Variants in PARP12 observed in about 807,000 individuals in gnomAD.
The protein encoded by PARP12 is protein mono-ADP-ribosyltransferase PARP12.
In PARP12, 59 loss-of-function variants were observed where a neutral mutation model predicts 72.4. That is an observed-to-expected ratio of 0.81 (90% CI 0.66 to 1.01). The LOEUF (loss-of-function observed/expected upper bound fraction) is 1.01, where lower values mean the gene tolerates loss of function less well. Ranked by LOEUF, PARP12 falls within the 50% of genes least tolerant of loss-of-function variation. The probability of loss-of-function intolerance (pLI) is 0.00; values close to 1 mark genes in which losing one functional copy is unlikely to be tolerated. For missense variants in PARP12, 851 were observed against 914.0 expected, an observed-to-expected ratio of 0.93 and a Z score of 0.89; for synonymous variants, 403 against 371.4, an observed-to-expected ratio of 1.09 and a Z score of -0.98.
intron 8 of PARP12, among the ~76,000 whole-genome samples, chr7:140,030,648 C>T (rs1815906835): frequency 6.7e-6 from 1 of 150,040 alleles, no homozygotes; most frequent in African/African-American, 2.5e-5. Flanking sequence ...CATATTCAGA[C>T]AAACCAAAAA....
intron 5 of PARP12, among the ~76,000 whole-genome samples, chr7:140,044,125 C>T (rs376867767): frequency 1.3e-5 from 2 of 152,218 alleles, no homozygotes; most frequent in East Asian, 3.9e-4. Context: ...AATCCACACA[C>T]AGATTTTAGT....
chr7:140,047,062 G>A, intron 4 of PARP12, 55 bp from the exon 5 acceptor site: 1 of 1,543,778 alleles, frequency 6.5e-7, no homozygotes, highest in Non-Finnish European at 8.7e-7. Context: ...GCATGCCCTA[G>A]CCTTGTGGTT....
In PARP12 at chr7:140,058,034, C is replaced by T. The variant is rs773775768; in HGVS notation, c.327G>A (p.Gly109=). ...AGCTGTGACTATTCCTACAGTTCTTCCTGCAAAGAAGCAGAGCTGGTGTTA... is the reference window on the plus strand; with the variant it reads ...AGCTGTGACTATTCCTACAGTTCTTTCTGCAAAGAAGCAGAGCTGGTGTTA... ...VYGACKFLRA[G]KNCRNSHSLT... Residue 109 remains glycine, a splice_region_variant and synonymous_variant, in exon 2 of 12, where the codon GGG becomes GGA. Transcript: ENST00000263549. 2.5e-6 allele frequency: 4 copies of T among 1,614,200 alleles called. No homozygotes were observed. In the Admixed American group the frequency reaches 6.7e-5, roughly 27 times the overall value.
At chr7:140,040,305 C>A (rs1221823010) in intron 6 of PARP12, among the ~76,000 whole-genome samples, 1 of 152,160 alleles carries the variant, frequency 6.6e-6, no homozygotes, top group African/African-American at 2.4e-5. Flanking sequence ...CAGGGCAGGT[C>A]AGAGAGAGTC....
chr7:140,037,965 T>C (rs1816285157), intron 6 of PARP12, 109 bp from the exon 7 acceptor site: 1 of 1,489,170 alleles, frequency 6.7e-7, no homozygotes, highest in Non-Finnish European at 8.9e-7. Flanking sequence ...GACAGTCCTG[T>C]GGTGGGGAAG....
intron 7 of PARP12, 40 bp from the exon 8 acceptor site, chr7:140,034,371 A>G (rs1816070474): frequency 1.4e-6 from 2 of 1,478,764 alleles, no homozygotes; most frequent in Non-Finnish European, 1.9e-6. Flanking sequence ...ATACATATAC[A>G]TATACATACA....
chr7:140,055,059 G>C (rs1282308191), intron 3 of PARP12, among the ~76,000 whole-genome samples: 1 of 152,174 alleles, frequency 6.6e-6, no homozygotes, highest in Non-Finnish European at 1.5e-5. Flanking sequence ...ACAAGTGCCT[G>C]ATTCTGCCCT....
At chr7:140,052,088 T>A (rs1816987171) in intron 4 of PARP12, among the ~76,000 whole-genome samples, 1 of 152,226 alleles carries the variant, frequency 6.6e-6, no homozygotes, top group African/African-American at 2.4e-5. Flanking sequence ...CCATGTTCCA[T>A]CTCCTGTTAC....
rs1817512932 is a variant in PARP12 at position 140,062,643 on chromosome 7, C to G, written c.205G>C (p.Ala69Pro). ...AAAPERVVLA[A>P]SPLRLCRAHQ... ...GCGCGACACAGGCGCAGCGGCGAGGCGGCCAGCACCACGCGCTCCGGGGCC... is the reference window on the plus strand; with the variant it reads ...GCGCGACACAGGCGCAGCGGCGAGGGGGCCAGCACCACGCGCTCCGGGGCC... Residue 69 changes from alanine to proline, a missense_variant, in exon 1 of 12, where the codon GCC (alanine) becomes CCC (proline). Coordinates refer to ENST00000263549, the MANE Select transcript of PARP12 (RefSeq NM_022750.4). 2.1e-6 allele frequency: 3 copies of G among 1,413,720 alleles called. No individual in the cohort carries two copies. The highest frequency in any genetic ancestry group is 2.8e-6 in the Non-Finnish European group (3 of 1,083,072). 87.6% of individuals were successfully genotyped at this position (1,413,720 alleles called of 1,614,324 possible).
intron 11 of PARP12, 88 bp from the exon 12 acceptor site, chr7:140,024,973 A>C (rs1303526180): frequency 9.8e-6 from 12 of 1,226,856 alleles, no homozygotes; most frequent in Non-Finnish European, 1.4e-5. Flanking sequence ...GGTGATGTGC[A>C]ACGCCAGGGC....
chr7:140,047,123 G>A (rs145942607), intron 4 of PARP12, 116 bp from the exon 5 acceptor site: 15,267 of 1,233,156 alleles, frequency 0.012, 145 homozygotes, highest in Non-Finnish European at 0.015. Context: ...TGAAATGTGT[G>A]GTGGAGTCTG....
At position 140,061,287 on chromosome 7, in the gene PARP12, C is replaced by A. The variant is rs144422691; in HGVS notation, c.326+1235G>T. Among the ~76,000 whole-genome samples, 1,106 of 152,300 alleles carry A rather than the reference C, an allele frequency of 7.3e-3. 9 individuals are homozygous for A. The highest frequency in any genetic ancestry group is 0.014 in the South Asian group (66 of 4,824). ...CATCCCTCTTTTCGATCAGCCCCCT[C>A]GAACTTGATAACCTAGGCTGGCCTC... On this transcript the variant is annotated intron_variant, in intron 1 of 11. Transcript: ENST00000263549.
chr7:140,046,967 C>T lies in PARP12; in HGVS notation c.903G>A (p.Trp301Ter). The change falls in exon 5 of 12, where the codon TGG becomes TGA. Residue 301 changes from tryptophan to a stop codon, truncating the protein, a stop_gained. Transcript: ENST00000263549. LOFTEE classifies it high-confidence loss of function. ...CCCATTTGCCTCTATCCAAGAATTG[C>T]CATCGATACGGCAAATGGAAATGAA... ...HRVHFHLPYR[W>*]QFLDRGKWED... 6.2e-7 allele frequency: 1 copy of T among 1,613,914 alleles called. No individual in the cohort carries two copies. Among genetic ancestry groups the T allele is most frequent in the Non-Finnish European group, 8.5e-7 (1 of 1,179,952 alleles).
chr7:140,048,130 C>T (rs1369490102), intron 4 of PARP12, among the ~76,000 whole-genome samples: 1 of 152,134 alleles, frequency 6.6e-6, no homozygotes, highest in Admixed American at 6.5e-5. Flanking sequence ...CAACCCAACA[C>T]GTCCAACTGA....
intron 1 of PARP12, 136 bp downstream of exon 1, chr7:140,062,386 G>A (rs1317984562): frequency 1.4e-5 from 12 of 886,572 alleles, no homozygotes; most frequent in South Asian, 8.8e-5. Flanking sequence ...GCTCGCTTTA[G>A]TGAATGACGG....
rs1381051965 is a variant in PARP12, at chr7:140,024,776, G to A, written c.1890C>T (p.Gly630=). Reference sequence around the variant, plus strand: ...CCGGCGGACGGACAAAGGAGGCATTGCCCCTGACGAACTCGCCCACCAGCA... The same window carrying A: ...CCGGCGGACGGACAAAGGAGGCATTACCCCTGACGAACTCGCCCACCAGCA... ...ARVLVGEFVR[G]NASFVRPPAK... Residue 630 remains glycine, a synonymous_variant, in exon 12 of 12, where the codon GGC becomes GGT. Transcript: ENST00000263549. 4 of 1,614,084 alleles carry A rather than the reference G, an allele frequency of 2.5e-6. No homozygotes were observed. Among genetic ancestry groups the A allele is most frequent in the Non-Finnish European group, 3.4e-6 (4 of 1,180,040 alleles).
Position 140,026,251 on chromosome 7 carries a change from G to A in PARP12, c.1726C>T (p.Gln576Ter), listed in dbSNP as rs1440680788. 1.3e-5 allele frequency: 21 copies of A among 1,614,006 alleles called. No individual in the cohort carries two copies. Among genetic ancestry groups the A allele is most frequent in the Non-Finnish European group, 1.6e-5 (19 of 1,180,056 alleles). Residue 576 changes from glutamine to a stop codon, truncating the protein, a stop_gained, in exon 11 of 12, where the codon CAG becomes TAG. Coordinates refer to ENST00000263549, the MANE Select transcript of PARP12 (RefSeq NM_022750.4). LOFTEE classifies it high-confidence loss of function. ...CAGACCCGCCAGTCAAAGTTCTGCT[G>A]GCAGATGGCGTCCACAAAAATGGCG... Reference protein sequence around the residue: ...TSAIFVDAICQQNFDWRVCGV... With the variant: ...TSAIFVDAIC
rs1373968355 is a variant in PARP12, at chr7:140,024,185, A to AT, written c.*374_*375insA. On this transcript the variant is annotated 3_prime_UTR_variant, in exon 12 of 12. Coordinates refer to ENST00000263549, the MANE Select transcript of PARP12 (RefSeq NM_022750.4). ...ATTCTGGAAAAACTATGATGCCATG[A>AT]GACTCTGAGAAACCGAATCACTGCA... is the stretch of plus-strand genomic sequence containing the variant. 7 of 315,256 alleles carry AT rather than the reference A, an allele frequency of 2.2e-5. No homozygotes were observed. Among genetic ancestry groups the AT allele is most frequent in the Admixed American group, 4.6e-5 (1 of 21,712 alleles). The allele number at this position is 315,256 out of a possible 1,614,324, so 19.5% of individuals were successfully genotyped here.
intron 8 of PARP12, 65 bp from the exon 9 acceptor site, chr7:140,028,753 TG>T (rs1815830935): frequency 2.9e-6 from 4 of 1,386,326 alleles, no homozygotes; most frequent in Non-Finnish European, 4.0e-6. Context: ...ATACCATAGG[TG>T]GTCTCTGCTA....
Sources: gnomAD v4.1 joint callset for allele counts (sites outside exome capture counted in the v4.1 genomes callset) on GRCh38, gnomAD v4.1.1 for gene constraint, MANE v1.5 for transcripts, NCBI Gene and HGNC (gene_info 2026-07-23, HGNC 2026-07-21) for gene names.